The following PACS1 variants were observed in gnomAD, a reference collection of about 807,000 sequenced individuals.
PACS1 encodes the protein PACS-1.
In PACS1, 24 loss-of-function variants were observed where a neutral mutation model predicts 115.0. The observed-to-expected ratio is 0.21, with a 90% CI of 0.15 to 0.29. The LOEUF is 0.29. Ranked by LOEUF, PACS1 falls within the 10% of genes least tolerant of loss-of-function variation. The probability of loss-of-function intolerance (pLI) is 1.00; values close to 1 mark genes in which losing one functional copy is unlikely to be tolerated. For synonymous variants in PACS1, 453 were observed against 504.5 expected, an observed-to-expected ratio of 0.90 and a Z score of 1.37; for missense variants, 838 against 1,251.2, an observed-to-expected ratio of 0.67 and a Z score of 4.98.
chr11:66,240,453 C>T lies in PACS1; in HGVS notation c.2430-974C>T, dbSNP rs77442406. Among the ~76,000 whole-genome samples, 1,078 of 152,290 alleles carry T rather than the reference C, an allele frequency of 7.1e-3. 16 individuals are homozygous for T. Among genetic ancestry groups the T allele is most frequent in the African/African-American group, 0.024 (1,007 of 41,554 alleles). On this transcript the variant is annotated intron_variant, in intron 21 of 23. Transcript: ENST00000320580. ...CTCTTCCCTTTCCTTGTAGCAACAG[C>T]GAGGATGGCATTGGCCGGTGGCTTC... is the stretch of plus-strand genomic sequence containing the variant.
At chr11:66,114,698 C>T (rs1052038489) in intron 1 of PACS1, among the ~76,000 whole-genome samples, 8 of 152,062 alleles carry the variant, frequency 5.3e-5, no homozygotes, top group Admixed American at 5.2e-4. Flanking sequence ...AAGTGCCTCA[C>T]TGATACTGTA....
At chr11:66,232,861 G>A in intron 14 of PACS1, 99 bp from the exon 15 acceptor site, 1 of 859,506 alleles carries the variant, frequency 1.2e-6, no homozygotes, top group Admixed American at 1.8e-5. Flanking sequence ...AGAGGACAGG[G>A]GCCCTGCAGC....
At chr11:66,163,864 A>G (rs189421983) in intron 1 of PACS1, among the ~76,000 whole-genome samples, 205 of 152,318 alleles carry the variant, frequency 1.3e-3, no homozygotes, top group Admixed American at 4.2e-3. Flanking sequence ...TGATTATACA[A>G]TGCTTTAAAA....
chr11:66,100,680 T>G, intron 1 of PACS1: 5 of 399,966 alleles, frequency 1.3e-5, no homozygotes, highest in South Asian at 5.3e-5. Flanking sequence ...TAATACTCAA[T>G]TCTCTCTGCG....
intron 1 of PACS1, among the ~76,000 whole-genome samples, chr11:66,106,099 T>C (rs200377679): frequency 2.9e-3 from 436 of 152,270 alleles, no homozygotes; most frequent in African/African-American, 0.01. Context: ...AGTAGTCATT[T>C]GGTTTTCTTC....
Position 66,175,428 on chromosome 11 carries a change from A to T in PACS1, c.357-18058A>T, listed in dbSNP as rs532679214. Among the ~76,000 whole-genome samples, 17 of 152,004 alleles carry T rather than the reference A, an allele frequency of 1.1e-4. No individual in the cohort carries two copies. In the South Asian group the frequency reaches 2.5e-3, roughly 22 times the overall value. On this transcript the variant is annotated intron_variant, in intron 1 of 23. Coordinates refer to ENST00000320580, the MANE Select transcript of PACS1 (RefSeq NM_018026.4). ...TGGGTGGCTTTGGTAAATTCTGGAA[A>T]TTTTTTTGCCATTGGCCCTTTGAAT...
At chr11:66,232,353 C>CCCACGCA in intron 14 of PACS1, 77 bp downstream of exon 14, 1 of 819,282 alleles carries the variant, frequency 1.2e-6, no homozygotes, top group Non-Finnish European at 2.1e-6. Flanking sequence ...GTGTGGCCTC[C>CCCACGCA]ATACTATTGC....
intron 1 of PACS1, among the ~76,000 whole-genome samples, chr11:66,079,752 C>G (rs753653698): frequency 1.3e-5 from 2 of 152,176 alleles, no homozygotes; most frequent in Non-Finnish European, 2.9e-5. Flanking sequence ...TAAGAGACAC[C>G]ATCCAGTAAC....
In PACS1 at chr11:66,235,135, A is replaced by G. The variant is rs1226968895; in HGVS notation, c.2105-166A>G. 1.3e-5 allele frequency among the ~76,000 whole-genome samples: 2 copies of G among 152,302 alleles called. No individual in the cohort carries two copies. The highest frequency in any genetic ancestry group is 3.9e-4 in the East Asian group (2 of 5,186). The stretch of plus-strand genomic sequence containing the variant: ...TGCAAAGATTGGAAGGGAGAGGACC[A>G]TCCTTGGGCTCATGATTCCTTCAAA... On this transcript the variant is annotated intron_variant, in intron 17 of 23. Coordinates refer to ENST00000320580, the MANE Select transcript of PACS1 (RefSeq NM_018026.4). This position sits in a 1 kb window ranked among gnomAD's most constrained non-coding sequence, Gnocchi z 5.6.
chr11:66,087,220 A>C (rs1857588203), intron 1 of PACS1, among the ~76,000 whole-genome samples: 1 of 151,934 alleles, frequency 6.6e-6, no homozygotes, highest in Non-Finnish European at 1.5e-5. Context: ...TGGATGAAGT[A>C]CAAAAGAACA....
chr11:66,093,062 G>C (rs1480417372), intron 1 of PACS1, among the ~76,000 whole-genome samples: 1 of 151,902 alleles, frequency 6.6e-6, no homozygotes, highest in African/African-American at 2.4e-5. Context: ...GAAAGTCATT[G>C]GTAGCTTGAT....
chr11:66,124,992 T>C (rs945875670), intron 1 of PACS1, among the ~76,000 whole-genome samples: 11 of 152,176 alleles, frequency 7.2e-5, no homozygotes, highest in East Asian at 1.9e-4. Flanking sequence ...GAACATCCCA[T>C]TGAGGAGGAG....
chr11:66,223,126 C>G (rs1267097782), intron 10 of PACS1, among the ~76,000 whole-genome samples: 1 of 150,030 alleles, frequency 6.7e-6, no homozygotes, highest in East Asian at 2.0e-4. Context: ...GAGTTTTGCT[C>G]TTATCGCCCA....
chr11:66,089,177 G>A (rs781584920), intron 1 of PACS1, among the ~76,000 whole-genome samples: 3 of 152,098 alleles, frequency 2.0e-5, no homozygotes, highest in Admixed American at 6.6e-5. Context: ...ACTGTGGGTC[G>A]TAGGATGTTT....
chr11:66,206,757 A>T (rs1331237564), intron 2 of PACS1, among the ~76,000 whole-genome samples: 1 of 152,130 alleles, frequency 6.6e-6, no homozygotes, highest in East Asian at 1.9e-4. Context: ...TGAGAAGATG[A>T]CATTTACCCA....
chr11:66,194,897 C>T (rs1009380063), intron 2 of PACS1, among the ~76,000 whole-genome samples: 18 of 152,274 alleles, frequency 1.2e-4, no homozygotes, highest in African/African-American at 4.3e-4. Context: ...GGGATAAAGA[C>T]GTTAGTCCCA....
At chr11:66,096,209 CTTTT>C (rs66569530) in intron 1 of PACS1, among the ~76,000 whole-genome samples, 1 of 119,514 alleles carries the variant, frequency 8.4e-6, no homozygotes, top group African/African-American at 3.6e-5. Context: ...CTTTTTCTTT[CTTTT>C]TTTTTTTTTT....
intron 11 of PACS1, among the ~76,000 whole-genome samples, chr11:66,229,069 A>C (rs1361477308): frequency 6.6e-6 from 1 of 151,726 alleles, no homozygotes; most frequent in African/African-American, 2.4e-5. Context: ...TGGGCCTCAG[A>C]GGCCCCACTA....
intron 1 of PACS1, among the ~76,000 whole-genome samples, chr11:66,090,334 A>G (rs940017401): frequency 7.3e-6 from 1 of 136,476 alleles, no homozygotes; most frequent in African/African-American, 2.8e-5. Flanking sequence ...GCACAGTGGC[A>G]TGATCTCAGC....
Sources: allele counts gnomAD v4.1 joint callset (sites outside exome capture counted in the v4.1 genomes callset), GRCh38; gene constraint gnomAD v4.1.1; non-coding constraint Gnocchi (gnomAD v3.1); transcripts MANE v1.5; gene names NCBI Gene and HGNC (gene_info 2026-07-23, HGNC 2026-07-21).